The following FOXP1 variants were observed in gnomAD, a reference collection of about 807,000 sequenced individuals.
FOXP1 encodes the protein forkhead box P1.
In FOXP1, 15 loss-of-function variants were observed where a neutral mutation model predicts 98.2. The observed-to-expected ratio is 0.15, with a 90% CI of 0.10 to 0.24. The LOEUF (loss-of-function observed/expected upper bound fraction) is 0.24, where lower values mean the gene tolerates loss of function less well. FOXP1 is among the 10% of genes least tolerant of loss of function. The pLI is 1.00. For synonymous variants in FOXP1, 371 were observed against 314.5 expected, an observed-to-expected ratio of 1.18 and a Z score of -1.90; for missense variants, 633 against 848.5, an observed-to-expected ratio of 0.75 and a Z score of 3.15.
intron 20 of FOXP1, among the ~76,000 whole-genome samples, chr3:70,961,247 T>C (rs2033407825): frequency 6.6e-6 from 1 of 152,110 alleles, no homozygotes; most frequent in African/African-American, 2.4e-5. Flanking sequence ...TATTTATTTA[T>C]TGAGACATAG....
Position 71,397,008 on chromosome 3 carries a change from GTATATATATA to G in FOXP1, c.-167-37774_-167-37765del, listed in dbSNP as rs377470035. Among the ~76,000 whole-genome samples the G allele has an allele frequency of 3.9e-4, 8 of 20,380 alleles. 2 individuals carry two copies. In the South Asian group the frequency reaches 4.5e-3, roughly 11 times the overall value. 13.4% of individuals were successfully genotyped at this position (20,380 alleles called of 152,430 possible). A position where few individuals can be genotyped will look rare whatever the true frequency, so the allele number is the denominator to read the frequency against. On this transcript the variant is annotated intron_variant, in intron 3 of 20. Transcript: ENST00000649528. ...TGTATATATATACACATATATATGT[GTATATATATA>G]TATATACATATATATGTGTATATAT...
intron 2 of FOXP1, among the ~76,000 whole-genome samples, chr3:71,536,988 G>A (rs1030818673): frequency 6.6e-6 from 1 of 152,158 alleles, no homozygotes; most frequent in African/African-American, 2.4e-5. Flanking sequence ...AGCCATGGAG[G>A]GAAGGTCTGC....
At chr3:70,961,275 G>C (rs533424233) in intron 20 of FOXP1, among the ~76,000 whole-genome samples, 1 of 152,108 alleles carries the variant, frequency 6.6e-6, no homozygotes, top group South Asian at 2.1e-4. Flanking sequence ...CTGTCACCCA[G>C]GCTGGAGTGC....
intron 6 of FOXP1, among the ~76,000 whole-genome samples, chr3:71,184,757 GT>G (rs879441185): frequency 1.4e-4 from 20 of 141,860 alleles, no homozygotes; most frequent in Admixed American, 2.1e-4. Flanking sequence ...GCTGTGTAAC[GT>G]TTTTTTTTTT....
chr3:71,041,577 C>T, intron 10 of FOXP1, 45 bp from the exon 11 acceptor site: 1 of 1,558,746 alleles, frequency 6.4e-7, no homozygotes. Flanking sequence ...ACAGCTAATT[C>T]CGTCCTCTTC....
chr3:71,096,256 C>T (rs1288290348), intron 7 of FOXP1, among the ~76,000 whole-genome samples: 1 of 152,180 alleles, frequency 6.6e-6, no homozygotes, highest in Non-Finnish European at 1.5e-5. Context: ...ACTTAGCTGT[C>T]TTCTTGACTG....
intron 5 of FOXP1, among the ~76,000 whole-genome samples, chr3:71,232,759 A>G (rs1187383349): frequency 6.6e-6 from 1 of 150,600 alleles, no homozygotes; most frequent in Non-Finnish European, 1.5e-5. Context: ...AATTTAGCCA[A>G]TTGCAGTGAT....
chr3:70,986,731 T>C (rs111379993), intron 14 of FOXP1, among the ~76,000 whole-genome samples: 13 of 143,868 alleles, frequency 9.0e-5, no homozygotes, highest in African/African-American at 3.4e-4. Context: ...ACACATCTAG[T>C]CCTATAGCCA....
chr3:70,959,201 T>C lies in FOXP1; in HGVS notation c.*46A>G, dbSNP rs1267480211. On this transcript the variant is annotated 3_prime_UTR_variant, in exon 21 of 21. Transcript: ENST00000649528. Reference sequence around the variant, plus strand: ...CTAACTTTTGACGTGTTTTTTTTTTTTTCCTTTTTCCAATCTTCATTCTCG... The same window carrying C: ...CTAACTTTTGACGTGTTTTTTTTTTCTTCCTTTTTCCAATCTTCATTCTCG... 7 of 1,607,424 alleles carry C rather than the reference T, an allele frequency of 4.4e-6. No individual in the cohort carries two copies. The East Asian group carries it at 1.6e-4, about 36-fold the overall frequency.
intron 12 of FOXP1, among the ~76,000 whole-genome samples, chr3:71,011,487 A>C (rs1246847612): frequency 6.6e-6 from 1 of 152,158 alleles, no homozygotes; most frequent in Non-Finnish European, 1.5e-5. Flanking sequence ...AACATAGAAA[A>C]ACAGAGCTAA....
intron 2 of FOXP1, among the ~76,000 whole-genome samples, chr3:71,546,508 A>G (rs2045374013): frequency 2.0e-5 from 3 of 152,068 alleles, no homozygotes; most frequent in South Asian, 4.1e-4. Flanking sequence ...GCCTCTGGCC[A>G]TGTCATTCAT....
At chr3:71,055,775 C>G (rs1395518814) in intron 7 of FOXP1, among the ~76,000 whole-genome samples, 3 of 152,220 alleles carry the variant, frequency 2.0e-5, no homozygotes, top group Non-Finnish European at 4.4e-5. Flanking sequence ...GTTGCATCAT[C>G]ATACGGGGAG....
chr3:71,550,713 G>A (rs1578141182), intron 2 of FOXP1, among the ~76,000 whole-genome samples: 1 of 152,186 alleles, frequency 6.6e-6, no homozygotes, highest in East Asian at 1.9e-4. Context: ...CTTGGTTTGT[G>A]GTTCAAACCC....
At chr3:71,044,841 AAC>A (rs1407189293) in intron 10 of FOXP1, among the ~76,000 whole-genome samples, 1 of 152,226 alleles carries the variant, frequency 6.6e-6, no homozygotes, top group Admixed American at 6.5e-5. Flanking sequence ...CTCAAAGACA[AAC>A]AGAGTTGATC....
intron 5 of FOXP1, chr3:71,244,885 CAT>C (rs1427155277): frequency 6.7e-6 from 1 of 148,408 alleles, no homozygotes; most frequent in African/African-American, 2.5e-5. Flanking sequence ...CTCCAGGAAA[CAT>C]AACTCATGAG....
chr3:71,139,178 C>A (rs2059953786), intron 6 of FOXP1, among the ~76,000 whole-genome samples: 1 of 152,070 alleles, frequency 6.6e-6, no homozygotes, highest in Non-Finnish European at 1.5e-5. Context: ...AGATACGGAG[C>A]CAGTTGTCTA....
intron 2 of FOXP1, among the ~76,000 whole-genome samples, chr3:71,546,327 T>C (rs530138558): frequency 5.8e-4 from 88 of 152,150 alleles, no homozygotes; most frequent in Non-Finnish European, 1.0e-3. Flanking sequence ...TGGCTAATCT[T>C]GTAAAGAATA....
intron 4 of FOXP1, chr3:71,302,816 C>A (rs1475845817): frequency 6.6e-6 from 1 of 152,130 alleles, no homozygotes; most frequent in Non-Finnish European, 1.5e-5. Flanking sequence ...ACAGTGACCA[C>A]AAAAACCATG....
intron 5 of FOXP1, chr3:71,296,204 A>C (rs547019074): frequency 6.6e-6 from 1 of 152,280 alleles, no homozygotes; most frequent in East Asian, 1.9e-4. Context: ...GTGCATCTAT[A>C]CTGACTCTTA....
Sources: allele counts gnomAD v4.1 joint callset (sites outside exome capture counted in the v4.1 genomes callset), GRCh38; gene constraint gnomAD v4.1.1; transcripts MANE v1.5; gene names NCBI Gene and HGNC (gene_info 2026-07-23, HGNC 2026-07-21).